Variants in RGS7 observed in about 807,000 individuals in gnomAD.
The protein encoded by RGS7 is regulator of G-protein signaling 7.
Under a neutral mutation model 81.1 loss-of-function variants are expected in RGS7, and 27 were observed. The observed-to-expected ratio is 0.33, with a 90% CI of 0.25 to 0.46. The LOEUF (loss-of-function observed/expected upper bound fraction) is 0.46. RGS7 is among the 20% of genes least tolerant of loss of function. RGS7 has a pLI of 1.00. For synonymous variants in RGS7, 208 were observed against 207.7 expected (o/e 1.00, Z -0.01); for missense variants, 396 against 607.4 (o/e 0.65, Z 3.66).
chr1:241,122,312 G>A (rs545288251), intron 2 of RGS7, among the ~76,000 whole-genome samples: 1 of 152,226 alleles, frequency 6.6e-6, no homozygotes, highest in South Asian at 2.1e-4. Flanking sequence ...ATACCACAGG[G>A]TTATGTCCTG....
At chr1:240,814,465 T>A (rs1690443014) in intron 12 of RGS7, among the ~76,000 whole-genome samples, 1 of 152,192 alleles carries the variant, frequency 6.6e-6, no homozygotes, top group African/African-American at 2.4e-5. Context: ...ATCCTCTATA[T>A]CTGATTCTTA....
At chr1:241,142,718 C>G (rs899375730) in intron 2 of RGS7, among the ~76,000 whole-genome samples, 1 of 152,206 alleles carries the variant, frequency 6.6e-6, no homozygotes, top group Non-Finnish European at 1.5e-5. Flanking sequence ...CAGACATGCC[C>G]TGGAGGCATT....
rs145111898 is a variant in RGS7, at chr1:241,348,954, C to T, written c.78+6745G>A. Among the ~76,000 whole-genome samples, 476 of 152,088 alleles carry T rather than the reference C, an allele frequency of 3.1e-3. 3 individuals carry two copies. The highest frequency in any genetic ancestry group is 0.011 in the African/African-American group (442 of 41,498). On this transcript the variant is annotated intron_variant, in intron 2 of 18. Transcript: ENST00000440928. ...AATATGGTAACATAGGGTACCCCAC[C>T]TGGCATATATCGGGTGTTTAATAAT...
At chr1:241,175,253 C>T (rs956054115) in intron 2 of RGS7, among the ~76,000 whole-genome samples, 9 of 152,098 alleles carry the variant, frequency 5.9e-5, no homozygotes, top group African/African-American at 2.2e-4. Flanking sequence ...GGATCATTGT[C>T]TCCTATTACA....
intron 2 of RGS7, among the ~76,000 whole-genome samples, chr1:241,198,455 A>C (rs192167825): frequency 2.3e-4 from 35 of 152,222 alleles, no homozygotes; most frequent in African/African-American, 7.9e-4. Context: ...CAATACCCTG[A>C]TCATAAAAAA....
chr1:240,962,019 T>C (rs1275317240), intron 4 of RGS7, among the ~76,000 whole-genome samples: 1 of 152,082 alleles, frequency 6.6e-6, no homozygotes, highest in Non-Finnish European at 1.5e-5. Context: ...GCGACCTTAT[T>C]GCAATTTGCT....
intron 3 of RGS7, among the ~76,000 whole-genome samples, chr1:241,000,310 A>C (rs1009795430): frequency 2.6e-5 from 4 of 152,156 alleles, no homozygotes; most frequent in African/African-American, 9.7e-5. Flanking sequence ...TCAAAAAGGC[A>C]CAAGGAAACT....
chr1:240,997,968 C>A (rs1031813166), intron 3 of RGS7, among the ~76,000 whole-genome samples: 6 of 152,186 alleles, frequency 3.9e-5, no homozygotes, highest in African/African-American at 1.4e-4. Context: ...TCCTTTTAAT[C>A]ATTCTGTTAG....
rs865845790 is a variant in RGS7 at position 240,961,398 on chromosome 1, A to G, written c.226+21681T>C. 2.0e-5 allele frequency among the ~76,000 whole-genome samples: 3 copies of G among 152,336 alleles called. 1 individual carries two copies. Among genetic ancestry groups the G allele is most frequent in the Middle Eastern group, 3.4e-3 (1 of 294 alleles). ...TTGTACATATGGATGAATAACATCA[A>G]TGTATCCACCTTATATAAAATAATC... On this transcript the variant is annotated intron_variant, in intron 4 of 18. Transcript: ENST00000440928.
intron 2 of RGS7, among the ~76,000 whole-genome samples, chr1:241,120,690 G>A (rs2066190370): frequency 6.6e-6 from 1 of 152,082 alleles, no homozygotes; most frequent in Non-Finnish European, 1.5e-5. Flanking sequence ...ACTGTACAGA[G>A]ATCTTTTTAC....
Position 240,787,709 on chromosome 1 carries a change from A to G in RGS7, c.*7-11496T>C, listed in dbSNP as rs12046464. Among the ~76,000 whole-genome samples the G allele has an allele frequency of 3.0e-4, 45 of 152,364 alleles. No homozygotes were observed. The East Asian group carries it at 7.5e-3, about 25-fold the overall frequency. On this transcript the variant is annotated intron_variant, in intron 18 of 18. Transcript: ENST00000440928. ...TTATGTAAAGCTTTAAAAATGAGCT[A>G]TAACTCACAAGATAAATTTAGTGGA...
At chr1:241,336,082 G>C (rs935588060) in intron 2 of RGS7, among the ~76,000 whole-genome samples, 2 of 151,982 alleles carry the variant, frequency 1.3e-5, no homozygotes, top group Non-Finnish European at 2.9e-5. Context: ...ATAAGTACTA[G>C]TAGCAAGATT....
intron 2 of RGS7, among the ~76,000 whole-genome samples, chr1:241,346,658 T>C (rs1035906380): frequency 6.6e-6 from 1 of 152,206 alleles, no homozygotes; most frequent in African/African-American, 2.4e-5. Context: ...CCACTAGTCT[T>C]GGGAGGTCAC....
At chr1:241,034,570 C>T (rs982727764) in intron 3 of RGS7, among the ~76,000 whole-genome samples, 1 of 152,192 alleles carries the variant, frequency 6.6e-6, no homozygotes, top group Non-Finnish European at 1.5e-5. Flanking sequence ...AGCTACACAG[C>T]TCCTCTTCAA....
intron 9 of RGS7, among the ~76,000 whole-genome samples, chr1:240,858,114 T>C (rs1474357699): frequency 6.6e-6 from 1 of 152,192 alleles, no homozygotes; most frequent in Non-Finnish European, 1.5e-5. Context: ...TAATACACCT[T>C]CCATTGTATG....
intron 2 of RGS7, among the ~76,000 whole-genome samples, chr1:241,109,732 T>C (rs1572728275): frequency 6.6e-6 from 1 of 151,874 alleles, no homozygotes; most frequent in Admixed American, 6.6e-5. Context: ...CTGAGGCAGG[T>C]GGATCGCCTT....
intron 15 of RGS7, among the ~76,000 whole-genome samples, chr1:240,803,538 T>C (rs1346697554): frequency 6.6e-6 from 1 of 152,202 alleles, no homozygotes; most frequent in African/African-American, 2.4e-5. Context: ...TGATATTTAA[T>C]TGCTAAATCT....
At chr1:241,199,380 C>T (rs548887396) in intron 2 of RGS7, among the ~76,000 whole-genome samples, 18 of 151,546 alleles carry the variant, frequency 1.2e-4, no homozygotes, top group South Asian at 4.2e-4. Flanking sequence ...GCTGAGATTG[C>T]GCCACTGCAC....
At chr1:240,862,609 T>C (rs1662420182) in intron 9 of RGS7, among the ~76,000 whole-genome samples, 1 of 152,116 alleles carries the variant, frequency 6.6e-6, no homozygotes, top group South Asian at 2.1e-4. Flanking sequence ...GAAAACAAAA[T>C]GAAAAACATT....
Sources: allele counts gnomAD v4.1 joint callset (sites outside exome capture counted in the v4.1 genomes callset), GRCh38; gene constraint gnomAD v4.1.1; transcripts MANE v1.5; gene names NCBI Gene and HGNC (gene_info 2026-07-23, HGNC 2026-07-21).